Variants in TP73 observed in about 807,000 individuals in gnomAD.
The protein encoded by TP73 is p53-like transcription factor.
TP73 carries 25 observed loss-of-function variants against 62.5 expected under a neutral mutation model. The ratio of observed to expected loss-of-function variants is 0.40; its 90% CI spans 0.29 to 0.56. TP73 has a LOEUF of 0.56. Among genes scored for constraint, TP73 ranks in the 20% least tolerant of loss-of-function variants. The probability of loss-of-function intolerance (pLI) is 0.46; values close to 1 mark genes in which losing one functional copy is unlikely to be tolerated. For synonymous variants in TP73, 423 were observed against 377.5 expected (o/e 1.12, Z -1.40); for missense variants, 754 against 913.3 (o/e 0.83, Z 2.25).
chr1:3,679,384 G>A (rs1171113396), intron 1 of TP73, among the ~76,000 whole-genome samples: 6 of 152,180 alleles, frequency 3.9e-5, no homozygotes, highest in African/African-American at 1.2e-4. Context: ...GGTGCGGCGG[G>A]ATGCCGTCGG....
At chr1:3,688,918 TCAGGCCGG>T (rs1281244956) in intron 3 of TP73, among the ~76,000 whole-genome samples, 1 of 152,136 alleles carries the variant, frequency 6.6e-6, no homozygotes, top group African/African-American at 2.4e-5. Context: ...TATAAAACCA[TCAGGCCGG>T]CCCTGTGCAT....
At chr1:3,654,433 G>A (rs573485233) in intron 1 of TP73, among the ~76,000 whole-genome samples, 2 of 152,348 alleles carry the variant, frequency 1.3e-5, no homozygotes, top group East Asian at 1.9e-4. Context: ...AGTGGTTAAT[G>A]GGGTAGTATG....
intron 3 of TP73, among the ~76,000 whole-genome samples, chr1:3,702,852 G>A (rs1228013707): frequency 6.6e-6 from 1 of 152,250 alleles, no homozygotes; most frequent in Non-Finnish European, 1.5e-5. Flanking sequence ...TCCTGGTTGT[G>A]CCCGGGTTCC....
chr1:3,716,668 A>AG (rs1466008196), intron 4 of TP73, among the ~76,000 whole-genome samples: 12 of 152,170 alleles, frequency 7.9e-5, no homozygotes, highest in Admixed American at 7.9e-4. Flanking sequence ...CCTCCCACGA[A>AG]GGGGGCTGTC....
At chr1:3,712,180 T>C (rs772794387) in intron 4 of TP73, 1 of 152,238 alleles carries the variant, frequency 6.6e-6, no homozygotes, top group Non-Finnish European at 1.5e-5. Flanking sequence ...GAAGCAATTA[T>C]ATGTGCGTAA....
chr1:3,702,047 T>C (rs1398606282), intron 3 of TP73, among the ~76,000 whole-genome samples: 1 of 152,162 alleles, frequency 6.6e-6, no homozygotes, highest in African/African-American at 2.4e-5. Flanking sequence ...AAGAACCTGC[T>C]GTTCTGGGAT....
intron 4 of TP73, among the ~76,000 whole-genome samples, chr1:3,711,669 G>GT (rs1413163196): frequency 6.6e-6 from 1 of 152,234 alleles, no homozygotes; most frequent in Non-Finnish European, 1.5e-5. Context: ...GGCATGCTGA[G>GT]TGACACCACC....
chr1:3,679,022 C>A (rs900072120), intron 1 of TP73, among the ~76,000 whole-genome samples: 1 of 152,204 alleles, frequency 6.6e-6, no homozygotes, highest in Admixed American at 6.5e-5. Flanking sequence ...ATCGGGGACC[C>A]ACGACCACGC....
At chr1:3,689,791 C>T (rs1385292755) in intron 3 of TP73, among the ~76,000 whole-genome samples, 1 of 152,124 alleles carries the variant, frequency 6.6e-6, no homozygotes, top group Non-Finnish European at 1.5e-5. Flanking sequence ...GTGAGAGCCA[C>T]GGCGCCCTGG....
At chr1:3,676,481 G>C (rs1441169480) in intron 1 of TP73, among the ~76,000 whole-genome samples, 1 of 150,196 alleles carries the variant, frequency 6.7e-6, no homozygotes, top group Non-Finnish European at 1.5e-5. Context: ...GACAGGGAGG[G>C]AATGCTTGGG....
At chr1:3,720,141 G>C (rs576169730) in intron 4 of TP73, among the ~76,000 whole-genome samples, 2 of 152,290 alleles carry the variant, frequency 1.3e-5, no homozygotes, top group East Asian at 3.9e-4. Flanking sequence ...CAGGCTGGTC[G>C]AACTCCTGAC....
At position 3,670,982 on chromosome 1, in the gene TP73, C is replaced by T. The variant is rs3765697; in HGVS notation, c.-33-11351C>T. Among the ~76,000 whole-genome samples, 110,720 of 152,054 alleles carry T rather than the reference C, an allele frequency of 0.73. 41,776 individuals carry two copies. Among genetic ancestry groups the T allele is most frequent in the African/African-American group, 0.93 (38,513 of 41,504 alleles). On this transcript the variant is annotated intron_variant, in intron 1 of 13. Transcript: ENST00000378295. This position sits in a 1 kb window ranked among gnomAD's most constrained non-coding sequence, Gnocchi z 5.9. ...TGCGATGGGTGCTGGGAGGGAGGAGCCCTGGCAGGTCTGGGGAAGACCAGC... is the reference window on the plus strand; with the variant it reads ...TGCGATGGGTGCTGGGAGGGAGGAGTCCTGGCAGGTCTGGGGAAGACCAGC...
chr1:3,680,945 G>C (rs1255883814), intron 1 of TP73, among the ~76,000 whole-genome samples: 6 of 152,254 alleles, frequency 3.9e-5, no homozygotes, highest in Admixed American at 2.0e-4. Flanking sequence ...AGCACTTACA[G>C]CCGTGTGACC....
intron 2 of TP73, 100 bp from the exon 3 acceptor site, chr1:3,682,960 A>G: frequency 6.8e-7 from 1 of 1,478,292 alleles, no homozygotes; most frequent in Non-Finnish European, 9.1e-7. Flanking sequence ...CGTAGGCCTC[A>G]CCAGGAGTCT....
At position 3,730,107 on chromosome 1, in the gene TP73, C is replaced by T. The variant is rs761086808; in HGVS notation, c.1304C>T (p.Pro435Leu). 9.5e-6 allele frequency: 15 copies of T among 1,581,722 alleles called. No individual in the cohort carries two copies. Among genetic ancestry groups the T allele is most frequent in the Non-Finnish European group, 1.3e-5 (15 of 1,164,426 alleles). ...GTCAACCAGCTGGTGGGCCAGCCTC[C>T]CCCGCACAGTTCGGCAGCTACACCC... The part of the protein sequence containing the change: ...PSVNQLVGQP[P>L]PHSSAATPNL... Residue 435 changes from proline (P) to leucine (L), a missense_variant, in exon 11 of 14, where the codon CCC becomes CTC. Pro to Leu is a moderately conservative substitution (Grantham distance 98, BLOSUM62 -3). Around this residue, in one of 3 missense-constraint regions of TP73, gnomAD observed 458 missense variants for 528.7 expected, o/e 0.87. Coordinates refer to ENST00000378295, the MANE Select transcript of TP73 (RefSeq NM_005427.4).
chr1:3,706,340 T>C (rs1639631086), intron 3 of TP73, among the ~76,000 whole-genome samples: 1 of 131,900 alleles, frequency 7.6e-6, no homozygotes, highest in African/African-American at 3.0e-5. Context: ...GGGAGAGGGG[T>C]AATAGGGACA....
chr1:3,658,828 ATATTTT>A (rs1644924108), intron 1 of TP73: 1 of 95,428 alleles, frequency 1.0e-5, no homozygotes, highest in Non-Finnish European at 2.9e-5. Context: ...TCCTACAGTC[ATATTTT>A]GGGGTGACGT....
intron 4 of TP73, chr1:3,708,285 T>C (rs1639843990): frequency 5.6e-6 from 1 of 178,308 alleles, no homozygotes; most frequent in Non-Finnish European, 1.2e-5. Context: ...TTTCCAGGAA[T>C]TGGCATGCAC....
intron 1 of TP73, among the ~76,000 whole-genome samples, chr1:3,671,848 G>A (rs1300527881): frequency 1.3e-5 from 2 of 152,186 alleles, no homozygotes; most frequent in African/African-American, 4.8e-5. Flanking sequence ...TGAGGGGTGG[G>A]TGGACCCCCG....
Sources: allele counts gnomAD v4.1 joint callset (sites outside exome capture counted in the v4.1 genomes callset), GRCh38; gene constraint gnomAD v4.1.1; regional missense constraint gnomAD v4.1.1; non-coding constraint Gnocchi (gnomAD v3.1); transcripts MANE v1.5; gene names NCBI Gene and HGNC (gene_info 2026-07-23, HGNC 2026-07-21).